SPTLC3: variants seen among roughly 807,000 people sequenced by gnomAD.
SPTLC3 encodes serine palmitoyltransferase 3.
A neutral mutation model predicts 59.3 loss-of-function variants in SPTLC3; 36 were observed. That is an observed-to-expected ratio of 0.61 (90% CI 0.47 to 0.80). The LOEUF is 0.80. Ranked by LOEUF, SPTLC3 falls within the 30% of genes least tolerant of loss-of-function variation. The probability of loss-of-function intolerance (pLI) is 0.00; values close to 1 mark genes in which losing one functional copy is unlikely to be tolerated. For synonymous variants in SPTLC3, 257 were observed against 240.8 expected (o/e 1.07, Z -0.62); for missense variants, 625 against 685.1 (o/e 0.91, Z 0.98).
Position 13,168,385 on chromosome 20 carries a change from G to C in SPTLC3, c.*3518G>C, listed in dbSNP as rs1005691114. The stretch of plus-strand genomic sequence containing the variant: ...TTTAGTAGAGACAAGGTTTTTCCCT[G>C]TTGGTCAGGCTGGTCTCGAACTCCT... On this transcript the variant is annotated 3_prime_UTR_variant, in exon 12 of 12. Coordinates refer to ENST00000399002, the MANE Select transcript of SPTLC3 (RefSeq NM_018327.4). 2.6e-5 allele frequency: 4 copies of C among 152,086 alleles called. No homozygotes were observed. Among genetic ancestry groups the C allele is most frequent in the Non-Finnish European group, 5.9e-5 (4 of 68,078 alleles). 9.4% of individuals were successfully genotyped at this position (152,086 alleles called of 1,614,324 possible). A position where few individuals can be genotyped will look rare whatever the true frequency, so the allele number is the denominator to read the frequency against.
intron 9 of SPTLC3, among the ~76,000 whole-genome samples, chr20:13,140,930 C>A (rs1471748367): frequency 1.3e-5 from 2 of 152,090 alleles, no homozygotes; most frequent in African/African-American, 2.4e-5. Context: ...GAGGTACTGA[C>A]CCTGCCTCTA....
intron 1 of SPTLC3, among the ~76,000 whole-genome samples, chr20:13,034,143 C>A (rs1371720418): frequency 1.3e-5 from 2 of 151,946 alleles, no homozygotes; most frequent in Admixed American, 6.6e-5. Context: ...TGAAAACCAA[C>A]AATTCCCAAA....
In SPTLC3 at chr20:13,049,113, G is replaced by A; in HGVS notation, c.286G>A (p.Glu96Lys). The A allele has an allele frequency of 6.2e-7, 1 of 1,613,492 alleles. No individual in the cohort carries two copies. Among genetic ancestry groups the A allele is most frequent in the Non-Finnish European group, 8.5e-7 (1 of 1,179,782 alleles). ...WGIEKCNAAV[E>K]RKEQKDFVPL... is the part of the protein sequence containing the mutation. ...AATAGAAAAATGCAACGCAGCTGTGGAAAGAAAAGAACAAAAAGTACGTAT... is the reference window on the plus strand; with the variant it reads ...AATAGAAAAATGCAACGCAGCTGTGAAAAGAAAAGAACAAAAAGTACGTAT... Residue 96 changes from glutamate to lysine, a missense_variant, in exon 2 of 12, where the codon GAA (glutamate) becomes AAA (lysine). Transcript: ENST00000399002.
rs759846781 is a variant in SPTLC3 at position 13,049,125 on chromosome 20, C to T, written c.298C>T (p.Gln100Ter). ...KCNAAVERKE[Q>*]KDFVPLYQDF... ...CAACGCAGCTGTGGAAAGAAAAGAACAAAAAGTACGTATGCGCACCTCCCT... is the reference window on the plus strand; with the variant it reads ...CAACGCAGCTGTGGAAAGAAAAGAATAAAAAGTACGTATGCGCACCTCCCT... Residue 100 changes from glutamine to a stop codon, truncating the protein, a stop_gained, in exon 2 of 12, where the codon CAA (glutamine) becomes TAA (stop). Coordinates refer to ENST00000399002, the MANE Select transcript of SPTLC3 (RefSeq NM_018327.4). LOFTEE classifies it high-confidence loss of function. 19 of 1,612,868 alleles carry T rather than the reference C, an allele frequency of 1.2e-5. No homozygotes were observed. The highest frequency in any genetic ancestry group is 1.6e-5 in the Non-Finnish European group (19 of 1,179,470).
intron 1 of SPTLC3, among the ~76,000 whole-genome samples, chr20:13,011,419 A>G (rs530343925): frequency 7.2e-5 from 11 of 152,234 alleles, no homozygotes; most frequent in African/African-American, 1.4e-4. Flanking sequence ...AGCCCCTCCA[A>G]TGATCCTCCC....
chr20:13,149,594 A>G (rs1394632271), intron 9 of SPTLC3, among the ~76,000 whole-genome samples: 1 of 152,256 alleles, frequency 6.6e-6, no homozygotes, highest in Non-Finnish European at 1.5e-5. Context: ...CCTATATGAG[A>G]AAGCGTGGCA....
intron 2 of SPTLC3, among the ~76,000 whole-genome samples, chr20:13,069,653 C>G (rs1378277268): frequency 1.3e-5 from 2 of 152,156 alleles, no homozygotes; most frequent in Non-Finnish European, 2.9e-5. Flanking sequence ...TGGTTCCTAA[C>G]AGGCCACAGA....
intron 1 of SPTLC3, among the ~76,000 whole-genome samples, chr20:13,038,374 C>G (rs1986829412): frequency 6.6e-6 from 1 of 152,062 alleles, no homozygotes; most frequent in Non-Finnish European, 1.5e-5. Context: ...TTTTACGGGT[C>G]TATTCAGATT....
At chr20:13,034,474 G>C in intron 1 of SPTLC3, among the ~76,000 whole-genome samples, 1 of 152,086 alleles carries the variant, frequency 6.6e-6, no homozygotes, top group East Asian at 1.9e-4. Flanking sequence ...CATCTCTAGG[G>C]AGCAGATTAG....
intron 1 of SPTLC3, among the ~76,000 whole-genome samples, chr20:13,023,402 T>C (rs1244976926): frequency 1.3e-5 from 2 of 152,190 alleles, no homozygotes; most frequent in Non-Finnish European, 2.9e-5. Flanking sequence ...CAGGAATTTC[T>C]ATCTTTTTCA....
chr20:13,156,900 G>A (rs2038781132), intron 10 of SPTLC3, among the ~76,000 whole-genome samples: 2 of 151,996 alleles, frequency 1.3e-5, no homozygotes, highest in Non-Finnish European at 2.9e-5. Flanking sequence ...AAAATAAAAT[G>A]TCCAGAAAAA....
chr20:13,096,752 A>G (rs1478803206), intron 6 of SPTLC3, among the ~76,000 whole-genome samples: 1 of 152,124 alleles, frequency 6.6e-6, no homozygotes, highest in Non-Finnish European at 1.5e-5. Context: ...TAATATTTGT[A>G]TGTTTCCCTG....
At chr20:13,096,047 T>C (rs1400012659) in intron 6 of SPTLC3, among the ~76,000 whole-genome samples, 2 of 152,090 alleles carry the variant, frequency 1.3e-5, no homozygotes, top group Non-Finnish European at 2.9e-5. Context: ...CATCAAGCAG[T>C]GGTTAAGAGT....
At chr20:13,126,358 A>C (rs2122792858) in intron 8 of SPTLC3, among the ~76,000 whole-genome samples, 1 of 152,270 alleles carries the variant, frequency 6.6e-6, no homozygotes, top group South Asian at 2.1e-4. Context: ...TCAACTCCAA[A>C]CCTGCAGCAT....
At position 13,016,318 on chromosome 20, in the gene SPTLC3, A is replaced by G. The variant is rs545156289; in HGVS notation, c.117+6934A>G. Among the ~76,000 whole-genome samples, 5 of 152,304 alleles carry G rather than the reference A, an allele frequency of 3.3e-5. No homozygotes were observed. In the South Asian group the frequency reaches 1.0e-3, roughly 32 times the overall value. On this transcript the variant is annotated intron_variant, in intron 1 of 11. Coordinates refer to ENST00000399002, the MANE Select transcript of SPTLC3 (RefSeq NM_018327.4). The stretch of plus-strand genomic sequence containing the variant: ...AGTTGAAACTTAGTTTGAATAATCT[A>G]GTTATTTTGATCAGTTTAATAATGA...
At chr20:13,017,920 T>C (rs1235481587) in intron 1 of SPTLC3, among the ~76,000 whole-genome samples, 2 of 152,162 alleles carry the variant, frequency 1.3e-5, no homozygotes, top group Non-Finnish European at 2.9e-5. Context: ...CCAGTCCTTG[T>C]AGAGTGCCCA....
intron 6 of SPTLC3, among the ~76,000 whole-genome samples, chr20:13,103,482 A>G (rs1340261142): frequency 6.6e-6 from 1 of 152,216 alleles, no homozygotes; most frequent in Non-Finnish European, 1.5e-5. Context: ...TCATCCATCC[A>G]TCTTTTCATT....
intron 9 of SPTLC3, among the ~76,000 whole-genome samples, chr20:13,153,654 T>A (rs1408292069): frequency 3.3e-5 from 5 of 152,186 alleles, no homozygotes; most frequent in Admixed American, 3.3e-4. Context: ...TGTTCCTTCT[T>A]ATCACACTCC....
chr20:13,110,534 C>A (rs769875086), intron 7 of SPTLC3, among the ~76,000 whole-genome samples: 1 of 152,172 alleles, frequency 6.6e-6, no homozygotes, highest in African/African-American at 2.4e-5. Flanking sequence ...AGGCGTTTCG[C>A]AGCTGGGTTA....
Sources: allele counts gnomAD v4.1 joint callset (sites outside exome capture counted in the v4.1 genomes callset), GRCh38; gene constraint gnomAD v4.1.1; transcripts MANE v1.5; gene names NCBI Gene and HGNC (gene_info 2026-07-23, HGNC 2026-07-21).